TADA1: variants seen among roughly 807,000 people sequenced by gnomAD.
The protein encoded by TADA1 is transcriptional adaptor 1, also known as transcriptional adapter 1.
TADA1 carries 23 observed loss-of-function variants against 39.3 expected under a neutral mutation model. The observed-to-expected ratio is 0.58, with a 90% CI of 0.42 to 0.83. The LOEUF (loss-of-function observed/expected upper bound fraction) is 0.83, where lower values mean the gene tolerates loss of function less well. TADA1 is among the 40% of genes least tolerant of loss of function. The pLI is 0.00. For synonymous variants in TADA1, 137 were observed against 151.8 expected (o/e 0.90, Z 0.72); for missense variants, 352 against 408.1 (o/e 0.86, Z 1.18).
chr1:166,873,511 T>C (rs187897959), intron 1 of TADA1, among the ~76,000 whole-genome samples: 4 of 152,196 alleles, frequency 2.6e-5, no homozygotes, highest in Admixed American at 2.6e-4. Context: ...CCCTGTATGT[T>C]TTGCCTACCA....
chr1:166,859,340 G>C (rs376099782), intron 6 of TADA1, among the ~76,000 whole-genome samples: 1 of 152,062 alleles, frequency 6.6e-6, no homozygotes, highest in Non-Finnish European at 1.5e-5. Context: ...CTCTGAACTT[G>C]CAAGTCCCAG....
intron 3 of TADA1, among the ~76,000 whole-genome samples, chr1:166,864,803 AGAAG>A (rs1246416404): frequency 2.6e-5 from 4 of 152,178 alleles, no homozygotes; most frequent in African/African-American, 7.2e-5. Flanking sequence ...TCAGGGGGTT[AGAAG>A]GAAGGTGGGG....
intron 3 of TADA1, 35 bp downstream of exon 3, chr1:166,869,410 A>G (rs1658608340): frequency 6.4e-7 from 1 of 1,567,924 alleles, no homozygotes; most frequent in African/African-American, 1.4e-5. Flanking sequence ...TGCTTTGCTG[A>G]CTTACACACA....
chr1:166,869,306 T>C lies in TADA1; in HGVS notation c.232+139A>G, dbSNP rs1286616618. 12 of 587,860 alleles carry C rather than the reference T, an allele frequency of 2.0e-5. No homozygotes were observed. In the East Asian group the frequency reaches 3.7e-4, roughly 18 times the overall value. The allele number at this position is 587,860 out of a possible 1,614,324, so 36.4% of individuals were successfully genotyped here. ...AAAAAAAAAGATTCTGTAAAAGAAT[T>C]TGTATCTACCTAATAAAACTTTTCT... On this transcript the variant is annotated intron_variant, in intron 3 of 7. Coordinates refer to ENST00000367874, the MANE Select transcript of TADA1 (RefSeq NM_053053.4).
Position 166,869,793 on chromosome 1 carries a change from C to T in TADA1, c.136G>A (p.Glu46Lys). Reference protein sequence around the residue: ...QKISKEEFDLEAHRLLTQDNV... With the variant: ...QKISKEEFDLKAHRLLTQDNV... Reference sequence around the variant, plus strand: ...TCCTGTGTGAGAAGTCTATGAGCTTCAAGGTCAAACTCCTCTTTGCTGATC... The same window carrying T: ...TCCTGTGTGAGAAGTCTATGAGCTTTAAGGTCAAACTCCTCTTTGCTGATC... The change falls in exon 2 of 8, where the codon GAA (glutamate) becomes AAA (lysine). Residue 46 changes from glutamate to lysine, a missense_variant. This residue lies in a region of TADA1 where 36 missense variants were observed against 72.0 expected (regional missense o/e 0.50). Transcript: ENST00000367874. 6.2e-7 allele frequency: 1 copy of T among 1,614,018 alleles called. No homozygotes were observed. The highest frequency in any genetic ancestry group is 8.5e-7 in the Non-Finnish European group (1 of 1,180,008).
intron 4 of TADA1, 21 bp from the exon 5 acceptor site, chr1:166,862,433 T>C: frequency 6.3e-7 from 1 of 1,596,374 alleles, no homozygotes; most frequent in South Asian, 1.1e-5. Context: ...GAAAAACTTT[T>C]TAAAATTACT....
intron 3 of TADA1, among the ~76,000 whole-genome samples, chr1:166,864,351 G>A (rs932225610): frequency 6.6e-6 from 1 of 152,174 alleles, no homozygotes; most frequent in African/African-American, 2.4e-5. Context: ...ATGAGTGGCA[G>A]ACACGATGAG....
chr1:166,861,250 G>A (rs1369014114), intron 5 of TADA1, among the ~76,000 whole-genome samples: 1 of 152,184 alleles, frequency 6.6e-6, no homozygotes, highest in African/African-American at 2.4e-5. Flanking sequence ...GCCAGCATCA[G>A]GCAGGGTGTT....
At position 166,857,062 on chromosome 1, in the gene TADA1, A is replaced by G. The variant is rs1218212257; in HGVS notation, c.*505T>C. The G allele has an allele frequency of 6.5e-6, 1 of 153,008 alleles. No individual in the cohort carries two copies. Among genetic ancestry groups the G allele is most frequent in the East Asian group, 1.9e-4 (1 of 5,210 alleles). The allele number at this position is 153,008 out of a possible 1,614,324, so 9.5% of individuals were successfully genotyped here. On this transcript the variant is annotated 3_prime_UTR_variant, in exon 8 of 8. Transcript: ENST00000367874. ...TCAGGGGCTACCTATCGCTATTAAA[A>G]TTTGAACTGGTCACTAAAGGAGGTA...
At chr1:166,866,700 G>A (rs1029278233) in intron 3 of TADA1, among the ~76,000 whole-genome samples, 3 of 151,538 alleles carry the variant, frequency 2.0e-5, no homozygotes. Flanking sequence ...TCAGCCACCT[G>A]TACTTACGAA....
rs757572094 is a variant in TADA1 at position 166,860,189 on chromosome 1, T to C, written c.689A>G (p.Glu230Gly). 1 of 1,593,424 alleles carries C rather than the reference T, an allele frequency of 6.3e-7. No individual in the cohort carries two copies. The highest frequency in any genetic ancestry group is 8.5e-7 in the Non-Finnish European group (1 of 1,171,728). ...NSVVAYNNLI[E>G]SPPAFTAPCA... Reference sequence around the variant, plus strand: ...AATCACAAGAAACTTCATTTACCTTTCTATTAAGTTGTTGTAAGCTACTAC... The same window carrying C: ...AATCACAAGAAACTTCATTTACCTTCCTATTAAGTTGTTGTAAGCTACTAC... Residue 230 changes from glutamate (E) to glycine (G), a missense_variant, in exon 6 of 8, where the codon GAA becomes GGA. Glu to Gly is a moderately conservative substitution (Grantham distance 98). This residue lies in a region of TADA1 where 285 missense variants were observed against 310.9 expected (regional missense o/e 0.92). Transcript: ENST00000367874.
At chr1:166,862,618 G>A (rs2101788668) in intron 4 of TADA1, 2 of 595,010 alleles carry the variant, frequency 3.4e-6, no homozygotes, top group South Asian at 2.0e-5. Context: ...GGATTAAGGG[G>A]AATAATGGTA....
intron 3 of TADA1, among the ~76,000 whole-genome samples, chr1:166,864,956 T>A (rs1205292796): frequency 6.6e-6 from 1 of 152,218 alleles, no homozygotes; most frequent in Non-Finnish European, 1.5e-5. Context: ...ACAGTAGGCT[T>A]CCTGTCAGCT....
At chr1:166,859,486 T>G (rs901712962) in intron 6 of TADA1, among the ~76,000 whole-genome samples, 2 of 151,942 alleles carry the variant, frequency 1.3e-5, no homozygotes, top group Admixed American at 1.3e-4. Flanking sequence ...AGGCTTAAAA[T>G]TCAGACTAAA....
At chr1:166,868,785 G>C (rs1353836735) in intron 3 of TADA1, 1 of 153,226 alleles carries the variant, frequency 6.5e-6, no homozygotes, top group Non-Finnish European at 1.5e-5. Flanking sequence ...CTGGCCTGCG[G>C]GGGAGGGTGG....
intron 5 of TADA1, among the ~76,000 whole-genome samples, chr1:166,861,732 G>A (rs1345300242): frequency 6.6e-6 from 1 of 152,100 alleles, no homozygotes; most frequent in Non-Finnish European, 1.5e-5. Context: ...CAACTATTTG[G>A]ATTATAATGA....
chr1:166,860,493 G>A (rs972093273), intron 5 of TADA1, among the ~76,000 whole-genome samples, 156 bp from the exon 6 acceptor site: 5 of 152,160 alleles, frequency 3.3e-5, no homozygotes, highest in African/African-American at 7.2e-5. Flanking sequence ...GAAGAGCCAC[G>A]GAGCCACACC....
In TADA1 at chr1:166,874,648, G is replaced by A. The variant is rs115145256; in HGVS notation, c.74+1512C>T. On this transcript the variant is annotated intron_variant, in intron 1 of 7. Transcript: ENST00000367874. ...AAAAAAAACTTTAGCCAGGATTAGC[G>A]GGGCGTGCCTACAGTCCCAGTTATA... 2.4e-3 allele frequency among the ~76,000 whole-genome samples: 360 copies of A among 151,474 alleles called. 3 individuals carry two copies. The highest frequency in any genetic ancestry group is 8.6e-3 in the African/African-American group (351 of 40,854).
intron 1 of TADA1, among the ~76,000 whole-genome samples, chr1:166,870,557 G>C (rs116742343): frequency 6.6e-6 from 1 of 152,216 alleles, no homozygotes; most frequent in East Asian, 1.9e-4. Flanking sequence ...CGCCGGTACG[G>C]TGGCTCATGC....
Sources: allele counts gnomAD v4.1 joint callset (sites outside exome capture counted in the v4.1 genomes callset), GRCh38; gene constraint gnomAD v4.1.1; regional missense constraint gnomAD v4.1.1; transcripts MANE v1.5; gene names NCBI Gene and HGNC (gene_info 2026-07-23, HGNC 2026-07-21).